CFAP77: variants seen among roughly 807,000 people sequenced by gnomAD.
CFAP77 encodes cilia- and flagella-associated protein 77.
In CFAP77, 25 loss-of-function variants were observed where a neutral mutation model predicts 31.1. That is an observed-to-expected ratio of 0.80 (90% confidence interval 0.59 to 1.12). The LOEUF is 1.12. Among genes scored for constraint, CFAP77 ranks in the 50% most tolerant of loss-of-function variants. The pLI, the probability that CFAP77 is intolerant of heterozygous loss-of-function variation, is 0.00. For synonymous variants in CFAP77, 151 were observed against 159.9 expected (o/e 0.94, Z 0.42); for missense variants, 377 against 397.3 (o/e 0.95, Z 0.44).
chr9:132,432,880 AT>A (rs35965792), intron 1 of CFAP77, among the ~76,000 whole-genome samples: 1 of 151,438 alleles, frequency 6.6e-6, no homozygotes, highest in Non-Finnish European at 1.5e-5. Flanking sequence ...CGCCCAGCTA[AT>A]TTTTTTTGTA....
At position 132,501,213 on chromosome 9, in the gene CFAP77, G is replaced by T. The variant is rs1297275016; in HGVS notation, c.524+1613G>T. Reference sequence around the variant, plus strand: ...AGTCAGGCAACATCATCAGCATCAGGTCTCTCTGTTTCTTGGCTGTGCTTC... The same window carrying T: ...AGTCAGGCAACATCATCAGCATCAGTTCTCTCTGTTTCTTGGCTGTGCTTC... On this transcript the variant is annotated intron_variant, in intron 3 of 5. Coordinates refer to ENST00000393216, the MANE Select transcript of CFAP77 (RefSeq NM_001282957.2). The surrounding 1 kb of genome is among the most constrained non-coding windows in gnomAD (Gnocchi z 4.6). 6.6e-6 allele frequency among the ~76,000 whole-genome samples: 1 copy of T among 152,164 alleles called. No homozygotes were observed. Among genetic ancestry groups the T allele is most frequent in the African/African-American group, 2.4e-5 (1 of 41,426 alleles).
At chr9:132,475,033 T>C (rs1376526787) in intron 1 of CFAP77, among the ~76,000 whole-genome samples, 4 of 152,200 alleles carry the variant, frequency 2.6e-5, no homozygotes, top group Non-Finnish European at 5.9e-5. Context: ...CCTTCTGAGG[T>C]TGTTTAACAT....
intron 5 of CFAP77, among the ~76,000 whole-genome samples, chr9:132,567,399 A>G (rs543119775): frequency 1.3e-5 from 2 of 152,314 alleles, no homozygotes; most frequent in East Asian, 3.9e-4. Context: ...GTAAACGGCG[A>G]CTGCGAAAAA....
Position 132,526,773 on chromosome 9 carries a change from C to T in CFAP77, c.525-10828C>T, listed in dbSNP as rs1301238186. Among the ~76,000 whole-genome samples, 5 of 90,666 alleles carry T rather than the reference C, an allele frequency of 5.5e-5. 1 individual carries two copies. Among genetic ancestry groups the T allele is most frequent in the African/African-American group, 1.7e-4 (4 of 23,746 alleles). The allele number at this position is 90,666 out of a possible 152,430, so 59.5% of individuals were successfully genotyped here. On this transcript the variant is annotated intron_variant, in intron 3 of 5. Coordinates refer to ENST00000393216, the MANE Select transcript of CFAP77 (RefSeq NM_001282957.2). ...ATCTAGAAGAAATGGATACATTCCT[C>T]GACACATACACTCTCCCAAGACTAA...
chr9:132,569,728 CTTTTTTTTTTTTT>C (rs558402201), intron 5 of CFAP77, among the ~76,000 whole-genome samples: 2 of 98,474 alleles, frequency 2.0e-5, no homozygotes, highest in South Asian at 3.5e-4. Context: ...TCTAGCTGCC[CTTTTTTTTTTTTT>C]TTTTTTTTTT....
rs143736165 is a variant in CFAP77, at chr9:132,499,500, C to T, written c.424C>T (p.Arg142Cys). ...GACTGCCCGGGAGAACTTGCTCTAC[C>T]GTCAGCTCAATGACATCCGCATCAG... ...LVTARENLLYRQLNDIRISDQ... is the reference protein window; with the variant it reads ...LVTARENLLYCQLNDIRISDQ... Residue 142 changes from arginine (R) to cysteine (C), a missense_variant, in exon 3 of 6, where the codon CGT (arginine) becomes TGT (cysteine). By Grantham distance (180) the Arg-to-Cys change is radical. Transcript: ENST00000393216. This position sits in a 1 kb window ranked among gnomAD's most constrained non-coding sequence, Gnocchi z 5.4. 81 of 1,614,076 alleles carry T rather than the reference C, an allele frequency of 5.0e-5. No homozygotes were observed. The highest frequency in any genetic ancestry group is 4.8e-5 in the Non-Finnish European group (57 of 1,180,046).
In CFAP77 at chr9:132,476,144, G is replaced by A. The variant is rs113172313; in HGVS notation, c.196-22551G>A. 1.4e-3 allele frequency among the ~76,000 whole-genome samples: 216 copies of A among 152,274 alleles called. 2 individuals carry two copies. Among genetic ancestry groups the A allele is most frequent in the African/African-American group, 4.8e-3 (198 of 41,558 alleles). On this transcript the variant is annotated intron_variant, in intron 1 of 5. Transcript: ENST00000393216. ...GATGAGCTTGCTTCTCAGAGTTCTC[G>A]TGGCCTGTAAGACTTCCCTTGTGGC...
rs1852027786 is a variant in CFAP77, at chr9:132,511,017, C to T, written c.524+11417C>T. On this transcript the variant is annotated intron_variant, in intron 3 of 5. Transcript: ENST00000393216. The surrounding 1 kb of genome is among the most constrained non-coding windows in gnomAD (Gnocchi z 5.8). ...GGGATCTGATCTCAGAACCCACATT[C>T]GTTACCTCCGGCCTATGCTGAGAGT... Among the ~76,000 whole-genome samples, 1 of 152,172 alleles carries T rather than the reference C, an allele frequency of 6.6e-6. No individual in the cohort carries two copies. The highest frequency in any genetic ancestry group is 1.5e-5 in the Non-Finnish European group (1 of 68,036).
chr9:132,524,660 A>T (rs1014695900), intron 3 of CFAP77, among the ~76,000 whole-genome samples: 5 of 151,742 alleles, frequency 3.3e-5, no homozygotes, highest in African/African-American at 1.2e-4. Context: ...TTATTTATTT[A>T]TTTATTGAGG....
intron 3 of CFAP77, among the ~76,000 whole-genome samples, chr9:132,512,218 C>T (rs1305452982): frequency 2.6e-5 from 4 of 152,192 alleles, no homozygotes; most frequent in African/African-American, 9.7e-5. Flanking sequence ...ATCCCTTCAG[C>T]CACTGCTGCC....
chr9:132,515,565 G>A (rs374973775), intron 3 of CFAP77, among the ~76,000 whole-genome samples: 10 of 152,130 alleles, frequency 6.6e-5, no homozygotes, highest in East Asian at 5.8e-4. Flanking sequence ...GCCCAGGCAC[G>A]GGGCCTTCTC....
chr9:132,474,126 C>G (rs1396202145), intron 1 of CFAP77, among the ~76,000 whole-genome samples: 3 of 152,176 alleles, frequency 2.0e-5, no homozygotes, highest in African/African-American at 2.4e-5. Flanking sequence ...TGGGTTGTCT[C>G]TTGTAAGGGT....
intron 1 of CFAP77, among the ~76,000 whole-genome samples, chr9:132,493,141 T>TGTA (rs1851677304): frequency 6.6e-6 from 1 of 152,118 alleles, no homozygotes; most frequent in African/African-American, 2.4e-5. Flanking sequence ...TGTGATGTAG[T>TGTA]GTAGCCTGCC....
At chr9:132,512,028 T>G (rs1852050209) in intron 3 of CFAP77, among the ~76,000 whole-genome samples, 1 of 151,544 alleles carries the variant, frequency 6.6e-6, no homozygotes, top group African/African-American at 2.4e-5. Context: ...CACTCCAGCC[T>G]GGGCAACAAA....
intron 1 of CFAP77, among the ~76,000 whole-genome samples, chr9:132,449,546 CA>C (rs1850788378): frequency 1.3e-5 from 2 of 152,040 alleles, no homozygotes. Flanking sequence ...AGAAGTTTTC[CA>C]TCATATGGGC....
At chr9:132,570,111 G>T (rs1276736467) in intron 5 of CFAP77, among the ~76,000 whole-genome samples, 4 of 152,292 alleles carry the variant, frequency 2.6e-5, no homozygotes, top group Non-Finnish European at 4.4e-5. Context: ...TTGCCAGAAG[G>T]TCACAAAGGT....
intron 1 of CFAP77, among the ~76,000 whole-genome samples, chr9:132,420,428 G>A (rs1366730925): frequency 2.0e-5 from 3 of 151,702 alleles, no homozygotes; most frequent in East Asian, 1.9e-4. Context: ...CGAGGTGGGC[G>A]GATCACTTGA....
chr9:132,453,638 C>T (rs1013115547), intron 1 of CFAP77, among the ~76,000 whole-genome samples: 3 of 152,188 alleles, frequency 2.0e-5, no homozygotes, highest in Admixed American at 6.5e-5. Context: ...CCACAGAAAC[C>T]GTTTGTTTTC....
chr9:132,571,926 G>T (rs1170747974), intron 5 of CFAP77, among the ~76,000 whole-genome samples: 1 of 149,888 alleles, frequency 6.7e-6, no homozygotes, highest in Non-Finnish European at 1.5e-5. Flanking sequence ...CTCTGGTTCT[G>T]GTGATATTGA....
Sources: allele counts gnomAD v4.1 joint callset (sites outside exome capture counted in the v4.1 genomes callset), GRCh38; gene constraint gnomAD v4.1.1; non-coding constraint Gnocchi (gnomAD v3.1); transcripts MANE v1.5; gene names NCBI Gene and HGNC (gene_info 2026-07-23, HGNC 2026-07-21).